Variants in GUCY2D observed in about 807,000 individuals in gnomAD.
GUCY2D encodes the protein retinal guanylyl cyclase 1.
Under a neutral mutation model 101.3 loss-of-function variants are expected in GUCY2D, and 70 were observed. The ratio of observed to expected loss-of-function variants is 0.69; its 90% CI spans 0.57 to 0.84. The LOEUF is 0.84. Among genes scored for constraint, GUCY2D ranks in the 40% least tolerant of loss-of-function variants. The pLI, the probability that GUCY2D is intolerant of heterozygous loss-of-function variation, is 0.00. For missense variants in GUCY2D, 1,460 were observed against 1,542.5 expected, an observed-to-expected ratio of 0.95 and a Z score of 0.90; for synonymous variants, 688 against 670.7, an observed-to-expected ratio of 1.03 and a Z score of -0.40.
intron 7 of GUCY2D, among the ~76,000 whole-genome samples, chr17:8,009,241 TA>T (rs1404101306): frequency 6.6e-6 from 1 of 152,208 alleles, no homozygotes; most frequent in Non-Finnish European, 1.5e-5. Context: ...TTAATGCACT[TA>T]ATAGGACTAT....
Position 8,003,242 on chromosome 17 carries a change from C to G in GUCY2D, c.195C>G (p.Asp65Glu). The G allele has an allele frequency of 6.6e-7, 1 of 1,516,270 alleles. No homozygotes were observed. Among genetic ancestry groups the G allele is most frequent in the Non-Finnish European group, 8.8e-7 (1 of 1,137,118 alleles). 93.9% of individuals were successfully genotyped at this position (1,516,270 alleles called of 1,614,324 possible). A position where few individuals can be genotyped will look rare whatever the true frequency, so the allele number is the denominator to read the frequency against. ...GGGTCCTGGGCCCCTGGGCTTGCGA[C>G]CCCATCTTCTCTCGGGCTCGCCCGG... ...TVGVLGPWAC[D>E]PIFSRARPDL... The change falls in exon 2 of 20, where the codon GAC becomes GAG. Residue 65 changes from aspartate (D) to glutamate (E), a missense_variant. Asp to Glu is a conservative substitution (Grantham distance 45). Transcript: ENST00000254854.
chr17:8,005,264 A>G (rs936901928), intron 3 of GUCY2D, among the ~76,000 whole-genome samples: 4 of 152,168 alleles, frequency 2.6e-5, no homozygotes, highest in Middle Eastern at 3.2e-3. Flanking sequence ...ATCCCAAAAC[A>G]TAATCTCTCA....
At chr17:8,007,856 A>G in intron 6 of GUCY2D, 75 bp from the exon 7 acceptor site, 1 of 910,472 alleles carries the variant, frequency 1.1e-6, no homozygotes, top group Non-Finnish European at 1.8e-6. Context: ...AATCCCCAAA[A>G]CTCAGCCTGA....
At chr17:8,004,182 A>C (rs762125685) in intron 3 of GUCY2D, 26 bp downstream of exon 3, 3 of 1,567,500 alleles carry the variant, frequency 1.9e-6, no homozygotes, top group Non-Finnish European at 2.6e-6. Flanking sequence ...AGGAGGGAAG[A>C]AGGCAAGGGA....
Position 8,014,931 on chromosome 17 carries a change from T to G in GUCY2D, c.2649T>G (p.Phe883Leu), listed in dbSNP as rs1975934367. The G allele has an allele frequency of 6.2e-7, 1 of 1,613,874 alleles. No individual in the cohort carries two copies. The highest frequency in any genetic ancestry group is 8.5e-7 in the Non-Finnish European group (1 of 1,179,878). The change falls in exon 14 of 20, where the codon TTT becomes TTG. Residue 883 changes from phenylalanine (F) to leucine (L), a missense_variant. By Grantham distance (22) the Phe-to-Leu change is conservative. Around this residue, in one of 3 missense-constraint regions of GUCY2D, gnomAD observed 1,196 missense variants for 1,229.6 expected, o/e 0.97. Coordinates refer to ENST00000254854, the MANE Select transcript of GUCY2D (RefSeq NM_000180.4). This position sits in a 1 kb window ranked among gnomAD's most constrained non-coding sequence, Gnocchi z 4.0. The stretch of plus-strand genomic sequence containing the variant: ...ACTTTGAGCAAGTGACACTGTACTT[T>G]AGTGACATTGTGGGCTTCACCACCA... ...PEYFEQVTLYFSDIVGFTTIS... is the reference protein window; with the variant it reads ...PEYFEQVTLYLSDIVGFTTIS...
rs537953527 is a variant in GUCY2D at position 8,020,141 on chromosome 17, C to T, written c.*38C>T. 1 of 136,102 alleles carries T rather than the reference C, an allele frequency of 7.3e-6. No individual in the cohort carries two copies. The highest frequency in any genetic ancestry group is 2.3e-4 in the East Asian group (1 of 4,340). The allele number at this position is 136,102 out of a possible 1,614,324, so 8.4% of individuals were successfully genotyped here. ...GCTTCTCCTTAGGGTCTGGGCCCTG[C>T]TCCCTGTCCCATCTGCAGTGGACCC... On this transcript the variant is annotated 3_prime_UTR_variant, in exon 20 of 20. Transcript: ENST00000254854.
rs1264540934 is a variant in GUCY2D, at chr17:8,006,416, C to G, written c.1080C>G (p.Gly360=). Residue 360 remains glycine (G), a synonymous_variant, in exon 4 of 20, where the codon GGC becomes GGG. Coordinates refer to ENST00000254854, the MANE Select transcript of GUCY2D (RefSeq NM_000180.4). ...ACGCGGTCTTCTTGCTGGCAAGGGG[C>G]GTGGCAGAAGCGCGGGCTGCCGCAG... ...IYDAVFLLAR[G]VAEARAAAGG... is the part of the protein sequence containing the mutation. 6.2e-7 allele frequency: 1 copy of G among 1,602,394 alleles called. No homozygotes were observed. The highest frequency in any genetic ancestry group is 1.3e-5 in the African/African-American group (1 of 74,924).
At chr17:8,005,158 C>T (rs1362589586) in intron 3 of GUCY2D, among the ~76,000 whole-genome samples, 3 of 152,306 alleles carry the variant, frequency 2.0e-5, no homozygotes, top group African/African-American at 7.2e-5. Context: ...GCATCAAGCC[C>T]TGTTACTGTT....
chr17:8,015,794 T>A lies in GUCY2D; in HGVS notation c.2996T>A (p.Phe999Tyr), dbSNP rs547885527. 1.2e-6 allele frequency: 2 copies of A among 1,612,876 alleles called. No individual in the cohort carries two copies. The highest frequency in any genetic ancestry group is 1.3e-5 in the African/African-American group (1 of 75,012). ...VGLTMPRYCL[F>Y]GDTVNTASRM... Reference sequence around the variant, plus strand: ...CTCACCATGCCGCGGTACTGCCTGTTTGGGGACACGGTCAACACCGCCTCG... The same window carrying A: ...CTCACCATGCCGCGGTACTGCCTGTATGGGGACACGGTCAACACCGCCTCG... The change falls in exon 16 of 20, where the codon TTT becomes TAT. Residue 999 changes from phenylalanine to tyrosine, a missense_variant. Phe to Tyr is a conservative substitution (Grantham distance 22). This residue lies in a region of GUCY2D where 215 missense variants were observed against 227.9 expected (regional missense o/e 0.94). Coordinates refer to ENST00000254854, the MANE Select transcript of GUCY2D (RefSeq NM_000180.4).
chr17:8,007,591 G>A, intron 6 of GUCY2D, 63 bp downstream of exon 6: 1 of 1,011,566 alleles, frequency 9.9e-7, no homozygotes, highest in South Asian at 1.3e-5. Flanking sequence ...TCCTTCCCTG[G>A]GCCAGTCCCG....
At chr17:8,019,098 T>C (rs1976027162) in intron 19 of GUCY2D, among the ~76,000 whole-genome samples, 1 of 152,210 alleles carries the variant, frequency 6.6e-6, no homozygotes, top group Non-Finnish European at 1.5e-5. Flanking sequence ...GTTATTTACA[T>C]TCTTGAAGAT....
At position 8,016,549 on chromosome 17, in the gene GUCY2D, G is replaced by C. The variant is rs908275960; in HGVS notation, c.*19G>C. On this transcript the variant is annotated 3_prime_UTR_variant, in exon 19 of 20. Coordinates refer to ENST00000254854, the MANE Select transcript of GUCY2D (RefSeq NM_000180.4). ...CTCTTGAGAAGTGAGGCCCGGCCCC[G>C]GACAGGTACTGCCCCCTCAGCCCCA... The C allele has an allele frequency of 6.7e-7, 1 of 1,494,050 alleles. No individual in the cohort carries two copies. The highest frequency in any genetic ancestry group is 1.4e-5 in the African/African-American group (1 of 72,282). The allele number at this position is 1,494,050 out of a possible 1,614,324, so 92.5% of individuals were successfully genotyped here.
At position 8,006,676 on chromosome 17, in the gene GUCY2D, C is replaced by T. The variant is rs1335925709; in HGVS notation, c.1340C>T (p.Pro447Leu). Reference protein sequence around the residue: ...PRGGSAPGPDPSCWFDPNNIC... With the variant: ...PRGGSAPGPDLSCWFDPNNIC... ...GGGGGATCAGCACCCGGACCTGACCCCTCGTGCTGGTTCGATCCAAACAAC... is the reference window on the plus strand; with the variant it reads ...GGGGGATCAGCACCCGGACCTGACCTCTCGTGCTGGTTCGATCCAAACAAC... The change falls in exon 4 of 20, where the codon CCC becomes CTC. Residue 447 changes from proline to leucine, a missense_variant. Pro to Leu is a moderately conservative substitution (Grantham distance 98, BLOSUM62 -3). Coordinates refer to ENST00000254854, the MANE Select transcript of GUCY2D (RefSeq NM_000180.4). 1.9e-6 allele frequency: 3 copies of T among 1,611,490 alleles called. No individual in the cohort carries two copies. Among genetic ancestry groups the T allele is most frequent in the Non-Finnish European group, 2.5e-6 (3 of 1,178,862 alleles).
At chr17:8,016,337 C>A in intron 18 of GUCY2D, 47 bp downstream of exon 18, 1 of 1,455,188 alleles carries the variant, frequency 6.9e-7, no homozygotes, top group South Asian at 1.2e-5. Flanking sequence ...GGGACCCCTG[C>A]CTCCTGCTCT....
rs2151800773 is a variant in GUCY2D at position 8,007,123 on chromosome 17, C to T, written c.1442C>T (p.Ala481Val). The T allele has an allele frequency of 6.2e-7, 1 of 1,613,276 alleles. No homozygotes were observed. Among genetic ancestry groups the T allele is most frequent in the Non-Finnish European group, 8.5e-7 (1 of 1,179,226 alleles). Residue 481 changes from alanine to valine, a missense_variant, in exon 5 of 20, where the codon GCC becomes GTC. Coordinates refer to ENST00000254854, the MANE Select transcript of GUCY2D (RefSeq NM_000180.4). ...GTGGTTGGGATGGGGCTGGCTGGGG[C>T]CTTCCTGGCCCATTATGTGAGGTGA... is the stretch of plus-strand genomic sequence containing the variant. The part of the protein sequence containing the change: ...LLVVGMGLAG[A>V]FLAHYVRHRL...
chr17:8,015,454 C>T lies in GUCY2D; in HGVS notation c.2896C>T (p.Arg966Cys). 1.2e-6 allele frequency: 2 copies of T among 1,613,652 alleles called. No homozygotes were observed. Among genetic ancestry groups the T allele is most frequent in the Non-Finnish European group, 1.7e-6 (2 of 1,179,884 alleles). The change falls in exon 15 of 20, where the codon CGC becomes TGC. Residue 966 changes from arginine (R) to cysteine (C), a missense_variant. Arg to Cys is a radical substitution (Grantham distance 180, BLOSUM62 -3). Transcript: ENST00000254854. ...ILSAVGTFRMRHMPEVPVRIR... is the reference protein window; with the variant it reads ...ILSAVGTFRMCHMPEVPVRIR... ...CAGTGCCGTGGGCACTTTCCGCATG[C>T]GCCATATGCCTGAGGTTCCCGTGCG...
At chr17:8,007,889 C>A in intron 6 of GUCY2D, 42 bp from the exon 7 acceptor site, 1 of 1,257,852 alleles carries the variant, frequency 8.0e-7, no homozygotes. Context: ...ACTCTGACAC[C>A]AGAATATATT....
intron 4 of GUCY2D, 117 bp downstream of exon 4, chr17:8,006,831 C>A: frequency 1.0e-6 from 1 of 1,004,648 alleles, no homozygotes; most frequent in South Asian, 1.4e-5. Context: ...TAGGCCCTCT[C>A]CCAGCCTCTG....
rs942017250 is a variant in GUCY2D at position 8,015,088 on chromosome 17, A to G, written c.2769+37A>G. 4 of 1,564,294 alleles carry G rather than the reference A, an allele frequency of 2.6e-6. No homozygotes were observed. In the African/African-American group the frequency reaches 4.1e-5, roughly 16 times the overall value. On this transcript the variant is annotated intron_variant, in intron 14 of 19. Coordinates refer to ENST00000254854, the MANE Select transcript of GUCY2D (RefSeq NM_000180.4). ...AGGGGACAAGCCCTCCTGACCTTCA[A>G]TTCAGCTTCACCAGCCTCCAGCCCA...
Sources: allele counts gnomAD v4.1 joint callset (sites outside exome capture counted in the v4.1 genomes callset), GRCh38; gene constraint gnomAD v4.1.1; regional missense constraint gnomAD v4.1.1; non-coding constraint Gnocchi (gnomAD v3.1); transcripts MANE v1.5; gene names NCBI Gene and HGNC (gene_info 2026-07-23, HGNC 2026-07-21).